The following PACRG variants were observed in gnomAD, a reference collection of about 807,000 sequenced individuals.
PACRG encodes the protein parkin coregulated gene protein.
A neutral mutation model predicts 29.7 loss-of-function variants in PACRG; 29 were observed. The ratio of observed to expected loss-of-function variants is 0.98; its 90% CI spans 0.73 to 1.33. The LOEUF (loss-of-function observed/expected upper bound fraction) is 1.33, where lower values mean the gene tolerates loss of function less well. PACRG is among the 40% of genes most tolerant of loss of function. The probability of loss-of-function intolerance (pLI) is 0.00; values close to 1 mark genes in which losing one functional copy is unlikely to be tolerated. For synonymous variants in PACRG, 116 were observed against 118.7 expected (o/e 0.98, Z 0.15); for missense variants, 279 against 316.2 (o/e 0.88, Z 0.89).
intron 2 of PACRG, among the ~76,000 whole-genome samples, chr6:162,890,779 G>T (rs1794694670): frequency 1.3e-5 from 2 of 152,138 alleles, no homozygotes; most frequent in African/African-American, 4.8e-5. Flanking sequence ...CCCCAGGGTG[G>T]AAACTGTTGA....
intron 2 of PACRG, among the ~76,000 whole-genome samples, chr6:162,841,938 T>G (rs1285856433): frequency 6.6e-6 from 1 of 150,968 alleles, no homozygotes; most frequent in Non-Finnish European, 1.5e-5. Context: ...AGTTCTAGTT[T>G]GATTGCACTG....
chr6:163,135,338 G>A (rs1253956250), intron 4 of PACRG, among the ~76,000 whole-genome samples: 1 of 151,986 alleles, frequency 6.6e-6, no homozygotes, highest in African/African-American at 2.4e-5. Flanking sequence ...ACAGGCACAC[G>A]CCACCATGCC....
chr6:162,977,417 A>C (rs536469631), intron 2 of PACRG, among the ~76,000 whole-genome samples: 2 of 150,932 alleles, frequency 1.3e-5, no homozygotes, highest in South Asian at 2.1e-4. Context: ...AAAAAAAAAA[A>C]CCAGCAATAA....
At chr6:163,194,948 T>G (rs1358618860) in intron 4 of PACRG, among the ~76,000 whole-genome samples, 1 of 152,176 alleles carries the variant, frequency 6.6e-6, no homozygotes, top group African/African-American at 2.4e-5. Context: ...ATCAGATATT[T>G]GGGGCTCTTC....
chr6:163,167,956 G>C (rs922204471), intron 4 of PACRG, among the ~76,000 whole-genome samples: 20 of 152,154 alleles, frequency 1.3e-4, no homozygotes, highest in Admixed American at 1.3e-3. Context: ...TACTCTTTCC[G>C]ATAGTTCCCA....
chr6:162,754,961 A>G (rs1165303313), intron 1 of PACRG, among the ~76,000 whole-genome samples: 2 of 152,156 alleles, frequency 1.3e-5, no homozygotes, highest in African/African-American at 2.4e-5. Flanking sequence ...GTCTTATTCA[A>G]TCTCTTTACT....
intron 4 of PACRG, among the ~76,000 whole-genome samples, chr6:163,249,015 CAAAAAAAA>C (rs57866351): frequency 6.5e-5 from 7 of 107,482 alleles, no homozygotes; most frequent in African/African-American, 1.7e-4. Flanking sequence ...GACTCTGTCT[CAAAAAAAA>C]AAAAAAAAAA....
At chr6:163,255,570 G>A (rs1332674104) in intron 4 of PACRG, among the ~76,000 whole-genome samples, 1 of 152,018 alleles carries the variant, frequency 6.6e-6, no homozygotes, top group Non-Finnish European at 1.5e-5. Context: ...CTGGGCCTTG[G>A]GGGCGACCCA....
intron 2 of PACRG, among the ~76,000 whole-genome samples, chr6:162,870,211 G>A (rs1792682743): frequency 6.6e-6 from 1 of 152,220 alleles, no homozygotes; most frequent in Admixed American, 6.5e-5. Context: ...TGCAGGGAAT[G>A]CATACAAAGC....
Position 163,050,777 on chromosome 6 carries a change from T to C in PACRG, c.292-11373T>C, listed in dbSNP as rs566039537. On this transcript the variant is annotated intron_variant, in intron 2 of 4. Transcript: ENST00000366888. Reference sequence around the variant, plus strand: ...TAATTTCCATCTAATTTGGATCTTTTATTGTAAACTGTCTTTTGTTTCTAG... The same window carrying C: ...TAATTTCCATCTAATTTGGATCTTTCATTGTAAACTGTCTTTTGTTTCTAG... 1.6e-3 allele frequency among the ~76,000 whole-genome samples: 240 copies of C among 152,362 alleles called. 1 individual carries two copies. The highest frequency in any genetic ancestry group is 5.7e-3 in the African/African-American group (236 of 41,588).
chr6:162,981,264 A>G (rs2128172163), intron 2 of PACRG, among the ~76,000 whole-genome samples: 1 of 149,400 alleles, frequency 6.7e-6, no homozygotes, highest in East Asian at 2.0e-4. Context: ...TATCTATAAT[A>G]TATTTATATA....
chr6:163,227,467 T>C (rs1211755902), intron 4 of PACRG, among the ~76,000 whole-genome samples: 3 of 152,306 alleles, frequency 2.0e-5, no homozygotes, highest in African/African-American at 7.2e-5. Context: ...ATTCAAACTA[T>C]AGCACTGCTG....
At chr6:163,097,631 G>T (rs1038067270) in intron 4 of PACRG, among the ~76,000 whole-genome samples, 21 of 152,204 alleles carry the variant, frequency 1.4e-4, no homozygotes, top group Non-Finnish European at 5.9e-5. Context: ...CAATCGATAT[G>T]TGTGGGGTAT....
At chr6:162,921,276 G>C (rs533733447) in intron 2 of PACRG, among the ~76,000 whole-genome samples, 12 of 152,280 alleles carry the variant, frequency 7.9e-5, no homozygotes, top group East Asian at 5.8e-4. Context: ...TAGAAGACCG[G>C]GGGGAGCAGT....
chr6:163,168,053 G>C (rs1328160061), intron 4 of PACRG, among the ~76,000 whole-genome samples: 1 of 152,142 alleles, frequency 6.6e-6, no homozygotes, highest in Non-Finnish European at 1.5e-5. Flanking sequence ...TTTGTACACT[G>C]TCTTTGAACT....
intron 2 of PACRG, among the ~76,000 whole-genome samples, chr6:162,944,800 A>G (rs1375003151): frequency 1.3e-5 from 2 of 152,160 alleles, no homozygotes; most frequent in African/African-American, 4.8e-5. Context: ...AAGGATTAAA[A>G]AAATGAACAA....
intron 4 of PACRG, among the ~76,000 whole-genome samples, chr6:163,141,461 A>G (rs1273695017): frequency 6.6e-6 from 1 of 150,558 alleles, no homozygotes; most frequent in Non-Finnish European, 1.5e-5. Flanking sequence ...TTTTTTTTAA[A>G]GCCAAACTAA....
intron 4 of PACRG, among the ~76,000 whole-genome samples, chr6:163,249,603 C>G (rs754743359): frequency 1.3e-5 from 2 of 152,138 alleles, no homozygotes; most frequent in African/African-American, 2.4e-5. Flanking sequence ...TGGTTTGGAG[C>G]AAGTTATTAG....
intron 2 of PACRG, among the ~76,000 whole-genome samples, chr6:162,947,615 T>TATATAATC (rs1799292021): frequency 8.9e-5 from 2 of 22,528 alleles, no homozygotes; most frequent in African/African-American, 1.4e-4. Context: ...TATAATCATA[T>TATATAATC]ATATATATAT....
Sources: gnomAD v4.1 joint callset for allele counts (sites outside exome capture counted in the v4.1 genomes callset) on GRCh38, gnomAD v4.1.1 for gene constraint, MANE v1.5 for transcripts, NCBI Gene and HGNC (gene_info 2026-07-23, HGNC 2026-07-21) for gene names.